Variants in NEK1 observed in about 807,000 individuals in gnomAD.
NEK1 encodes the protein serine/threonine-protein kinase Nek1.
NEK1 carries 137 observed loss-of-function variants against 182.1 expected under a neutral mutation model. The observed-to-expected ratio is 0.75, with a 90% CI of 0.65 to 0.87. The LOEUF (loss-of-function observed/expected upper bound fraction) is 0.87. Among genes scored for constraint, NEK1 ranks in the 40% least tolerant of loss-of-function variants. NEK1 has a pLI of 0.00. For synonymous variants in NEK1, 513 were observed against 492.2 expected (o/e 1.04, Z -0.56); for missense variants, 1,391 against 1,494.4 (o/e 0.93, Z 1.14).
At chr4:169,599,693 T>C (rs574143324) in intron 4 of NEK1, among the ~76,000 whole-genome samples, 44 of 152,264 alleles carry the variant, frequency 2.9e-4, no homozygotes, top group African/African-American at 9.4e-4. Context: ...CAACAGTGTA[T>C]AGGATACACT....
intron 27 of NEK1, among the ~76,000 whole-genome samples, chr4:169,461,672 G>C (rs1743994623): frequency 6.6e-6 from 1 of 152,160 alleles, no homozygotes; most frequent in African/African-American, 2.4e-5. Flanking sequence ...GGGAGAAAAA[G>C]AAGAGGGGAG....
At chr4:169,454,439 A>T (rs1483669219) in intron 27 of NEK1, among the ~76,000 whole-genome samples, 1 of 152,230 alleles carries the variant, frequency 6.6e-6, no homozygotes, top group Non-Finnish European at 1.5e-5. Flanking sequence ...CCATCTGACA[A>T]AGGGCTAATA....
At chr4:169,456,845 T>C (rs1269416535) in intron 27 of NEK1, among the ~76,000 whole-genome samples, 2 of 152,158 alleles carry the variant, frequency 1.3e-5, no homozygotes, top group East Asian at 3.8e-4. Flanking sequence ...AAAGAAAATG[T>C]GGGACATATA....
At chr4:169,498,675 G>C (rs534438873) in intron 23 of NEK1, among the ~76,000 whole-genome samples, 3 of 152,194 alleles carry the variant, frequency 2.0e-5, no homozygotes, top group Admixed American at 6.5e-5. Context: ...GCTTAGTTTG[G>C]CTGGATATGA....
At position 169,599,129 on chromosome 4, in the gene NEK1, G is replaced by A. The variant is rs1206322898; in HGVS notation, c.283C>T (p.Gln95Ter). The A allele has an allele frequency of 6.2e-7, 1 of 1,613,366 alleles. No homozygotes were observed. Among genetic ancestry groups the A allele is most frequent in the Admixed American group, 1.7e-5 (1 of 60,008 alleles). Residue 95 changes from glutamine (Q) to a stop codon, truncating the protein, a stop_gained, in exon 5 of 36, where the codon CAG becomes TAG. Coordinates refer to ENST00000507142, the MANE Select transcript of NEK1 (RefSeq NM_001199397.3). LOFTEE classifies it high-confidence loss of function. ...GGDLFKRINA[Q>*]KGVLFQEDQI... ...TCCTCTTGAAACAAAACGCCTTTCT[G>A]AGCATTTATTCGCTTAAACAGATCC...
chr4:169,412,120 C>T (rs1733780493), intron 31 of NEK1, among the ~76,000 whole-genome samples: 1 of 152,168 alleles, frequency 6.6e-6, no homozygotes, highest in Non-Finnish European at 1.5e-5. Flanking sequence ...AGAGTGGTAC[C>T]TGGCACATAG....
At chr4:169,599,786 G>A (rs771208271) in intron 4 of NEK1, among the ~76,000 whole-genome samples, 11 of 151,950 alleles carry the variant, frequency 7.2e-5, no homozygotes, top group Non-Finnish European at 1.6e-4. Flanking sequence ...ATGAAGATGG[G>A]CACTGCCCCA....
intron 23 of NEK1, among the ~76,000 whole-genome samples, chr4:169,495,119 CTT>C (rs1214016706): frequency 6.6e-6 from 1 of 151,686 alleles, no homozygotes; most frequent in Non-Finnish European, 1.5e-5. Context: ...TCAATTTTGG[CTT>C]TTGTTGCCAT....
chr4:169,507,181 A>AT, intron 22 of NEK1, 49 bp from the exon 23 acceptor site: 1 of 749,356 alleles, frequency 1.3e-6, no homozygotes, highest in Non-Finnish European at 2.0e-6. Context: ...AGAAGGGCAG[A>AT]GGTTTTTTTT....
At position 169,401,682 on chromosome 4, in the gene NEK1, C is replaced by A; in HGVS notation, c.3553G>T (p.Glu1185Ter). The A allele has an allele frequency of 6.2e-7, 1 of 1,613,894 alleles. No individual in the cohort carries two copies. Among genetic ancestry groups the A allele is most frequent in the South Asian group, 1.1e-5 (1 of 91,064 alleles). The change falls in exon 33 of 36, where the codon GAA becomes TAA. Residue 1185 changes from glutamate (E) to a stop codon, truncating the protein, a stop_gained. Transcript: ENST00000507142. LOFTEE classifies it high-confidence loss of function. ...VADEDDNPSS[E>*]SALNEEWHSD... ...TGCCATTCTTCGTTCAGGGCACTTT[C>A]ACTGCTGGGATTGTCATCTTCATCT...
intron 23 of NEK1, among the ~76,000 whole-genome samples, chr4:169,482,418 A>G (rs1748213156): frequency 6.6e-6 from 1 of 151,450 alleles, no homozygotes; most frequent in African/African-American, 2.4e-5. Context: ...TAGCTTCTCA[A>G]TGTGGTTGGG....
In NEK1 at chr4:169,463,385, C is replaced by T. The variant is rs1744329802; in HGVS notation, c.2445G>A (p.Val815=). The T allele has an allele frequency of 1.9e-6, 3 of 1,601,832 alleles. No individual in the cohort carries two copies. Among genetic ancestry groups the T allele is most frequent in the Non-Finnish European group, 2.6e-6 (3 of 1,172,870 alleles). The change falls in exon 27 of 36, where the codon GTG becomes GTA. Residue 815 remains valine, a synonymous_variant. Coordinates refer to ENST00000507142, the MANE Select transcript of NEK1 (RefSeq NM_001199397.3). ...TSFSTTERHT[V]GEVIKLGPNG... The stretch of plus-strand genomic sequence containing the variant: ...TAGGACCTAATTTAATAACTTCTCC[C>T]ACTGTATGTCCTATAAGAAAAATAT...
chr4:169,497,711 G>A (rs1333010684), intron 23 of NEK1, among the ~76,000 whole-genome samples: 1 of 152,282 alleles, frequency 6.6e-6, no homozygotes, highest in East Asian at 1.9e-4. Context: ...GTAGTTGAGC[G>A]GTTTTGAGTG....
intron 23 of NEK1, among the ~76,000 whole-genome samples, chr4:169,486,504 G>A (rs1749068781): frequency 6.6e-6 from 1 of 152,162 alleles, no homozygotes; most frequent in Non-Finnish European, 1.5e-5. Context: ...TGCTAGGAAA[G>A]TATTAAATGA....
rs565469458 is a variant in NEK1, at chr4:169,522,738, G to T, written c.1666-13886C>A. Among the ~76,000 whole-genome samples, 3 of 152,340 alleles carry T rather than the reference G, an allele frequency of 2.0e-5. No homozygotes were observed. The South Asian group carries it at 6.2e-4, about 32-fold the overall frequency. On this transcript the variant is annotated intron_variant, in intron 19 of 35. Transcript: ENST00000507142. The stretch of plus-strand genomic sequence containing the variant: ...TAAGTTGTGGAGTGGGGCAGGGATA[G>T]CCTGAGGCTTCACCACTGTCCTGAG...
chr4:169,538,191 A>G (rs1350495420), intron 18 of NEK1, among the ~76,000 whole-genome samples: 1 of 152,172 alleles, frequency 6.6e-6, no homozygotes, highest in Non-Finnish European at 1.5e-5. Flanking sequence ...TTAAACATAT[A>G]CAATTATTTT....
intron 19 of NEK1, among the ~76,000 whole-genome samples, chr4:169,523,142 G>C (rs565198283): frequency 6.6e-6 from 1 of 152,276 alleles, no homozygotes; most frequent in East Asian, 1.9e-4. Flanking sequence ...ACTACTTTTT[G>C]ATAGCTAAGG....
At chr4:169,578,099 A>C (rs1766006150) in intron 11 of NEK1, among the ~76,000 whole-genome samples, 1 of 152,194 alleles carries the variant, frequency 6.6e-6, no homozygotes, top group Non-Finnish European at 1.5e-5. Flanking sequence ...CATGCACAAG[A>C]ATAAACCCTG....
chr4:169,504,244 A>C (rs190496394), intron 23 of NEK1, among the ~76,000 whole-genome samples: 4 of 152,308 alleles, frequency 2.6e-5, no homozygotes, highest in Admixed American at 1.3e-4. Context: ...GAGGATGTGG[A>C]GAAAAGGGAA....
Sources: allele counts gnomAD v4.1 joint callset (sites outside exome capture counted in the v4.1 genomes callset), GRCh38; gene constraint gnomAD v4.1.1; transcripts MANE v1.5; gene names NCBI Gene and HGNC (gene_info 2026-07-23, HGNC 2026-07-21).